The following PINX1 variants were observed in gnomAD, a reference collection of about 807,000 sequenced individuals.
PINX1 encodes the protein PIN2/TERF1-interacting telomerase inhibitor 1.
In PINX1, 34 loss-of-function variants were observed where a neutral mutation model predicts 25.4. The observed-to-expected ratio is 1.34, with a 90% CI of 1.02 to 1.78. The LOEUF (loss-of-function observed/expected upper bound fraction) is 1.78. Ranked by LOEUF, PINX1 falls within the 40% of genes most tolerant of loss-of-function variation. PINX1 has a pLI of 0.00. For missense variants in PINX1, 592 were observed against 404.9 expected (o/e 1.46, Z -3.97); for synonymous variants, 197 against 147.7 (o/e 1.33, Z -2.42).
At chr8:10,774,394 G>A (rs1459532113) in intron 6 of PINX1, among the ~76,000 whole-genome samples, 3 of 151,556 alleles carry the variant, frequency 2.0e-5, no homozygotes, top group Non-Finnish European at 4.4e-5. Context: ...TGATTCTCCT[G>A]CCTCAGCCTC....
intron 6 of PINX1, among the ~76,000 whole-genome samples, chr8:10,789,667 C>A (rs1801861604): frequency 6.6e-6 from 1 of 152,156 alleles, no homozygotes; most frequent in Admixed American, 6.5e-5. Context: ...AGTGGCAGAG[C>A]CAAAAACGCA....
At chr8:10,775,274 G>A (rs770216388) in intron 6 of PINX1, among the ~76,000 whole-genome samples, 1 of 152,168 alleles carries the variant, frequency 6.6e-6, no homozygotes, top group Non-Finnish European at 1.5e-5. Flanking sequence ...AAAGGTTCTT[G>A]AAGCAAGACC....
At chr8:10,772,117 T>C (rs1801245297) in intron 6 of PINX1, among the ~76,000 whole-genome samples, 1 of 152,248 alleles carries the variant, frequency 6.6e-6, no homozygotes, top group Non-Finnish European at 1.5e-5. Flanking sequence ...GACTGAACTG[T>C]TCTTGCTAAA....
intron 6 of PINX1, among the ~76,000 whole-genome samples, chr8:10,769,863 A>G (rs557931044): frequency 7.2e-4 from 110 of 152,294 alleles, no homozygotes; most frequent in African/African-American, 2.4e-3. Flanking sequence ...CTCTCTTCAG[A>G]AGCCACCCCA....
At chr8:10,786,567 C>T (rs1801754289) in intron 6 of PINX1, among the ~76,000 whole-genome samples, 2 of 152,178 alleles carry the variant, frequency 1.3e-5, no homozygotes, top group South Asian at 2.1e-4. Context: ...GCGTGAGCTA[C>T]GCCCCAGAAG....
At chr8:10,810,095 C>A (rs899813714) in intron 6 of PINX1, among the ~76,000 whole-genome samples, 2 of 152,154 alleles carry the variant, frequency 1.3e-5, no homozygotes, top group African/African-American at 4.8e-5. Context: ...AGAACTCATT[C>A]ATTACCATGA....
At chr8:10,803,537 A>G (rs1413791294) in intron 6 of PINX1, among the ~76,000 whole-genome samples, 1 of 152,122 alleles carries the variant, frequency 6.6e-6, no homozygotes, top group Admixed American at 6.5e-5. Context: ...AATTGGGTCA[A>G]TTGTTTCGAG....
chr8:10,777,674 T>A (rs1213221606), intron 6 of PINX1, among the ~76,000 whole-genome samples: 1 of 152,170 alleles, frequency 6.6e-6, no homozygotes, highest in East Asian at 1.9e-4. Context: ...TGCCTTTTTT[T>A]TAAAAAACAC....
chr8:10,774,584 T>C (rs1425901025), intron 6 of PINX1, among the ~76,000 whole-genome samples: 2 of 152,164 alleles, frequency 1.3e-5, no homozygotes, highest in Non-Finnish European at 2.9e-5. Context: ...CCCAGCCGAA[T>C]AAGGTCTTTT....
intron 6 of PINX1, among the ~76,000 whole-genome samples, chr8:10,768,843 T>C (rs1022199026): frequency 3.3e-5 from 5 of 152,230 alleles, no homozygotes; most frequent in Non-Finnish European, 7.3e-5. Flanking sequence ...TAAAAATAGA[T>C]ACATCTTTTC....
chr8:10,768,804 G>A (rs985216671), intron 6 of PINX1, among the ~76,000 whole-genome samples: 4 of 152,214 alleles, frequency 2.6e-5, no homozygotes, highest in Non-Finnish European at 1.5e-5. Flanking sequence ...TTCTAATCCT[G>A]CTTCTGCATT....
At chr8:10,801,044 G>C (rs1400879238) in intron 6 of PINX1, among the ~76,000 whole-genome samples, 1 of 152,184 alleles carries the variant, frequency 6.6e-6, no homozygotes, top group East Asian at 1.9e-4. Flanking sequence ...TAATGGAGTA[G>C]AAGCTCTATA....
intron 6 of PINX1, among the ~76,000 whole-genome samples, chr8:10,793,661 GTTTTAA>G (rs950992737): frequency 6.6e-6 from 1 of 151,110 alleles, no homozygotes; most frequent in African/African-American, 2.4e-5. Context: ...GGGGGCATTT[GTTTTAA>G]TTTTAATTAT....
At chr8:10,766,074 C>T (rs1275022820) in intron 6 of PINX1, among the ~76,000 whole-genome samples, 158 bp from the exon 7 acceptor site, 2 of 152,172 alleles carry the variant, frequency 1.3e-5, no homozygotes, top group Non-Finnish European at 1.5e-5. Flanking sequence ...GGCTGAGTGA[C>T]ACGCTCCCTT....
chr8:10,768,091 G>A (rs572616359), intron 6 of PINX1, among the ~76,000 whole-genome samples: 37 of 129,574 alleles, frequency 2.9e-4, no homozygotes, highest in Non-Finnish European at 3.9e-4. Flanking sequence ...GACAGGCTCG[G>A]TGACCAGACA....
rs186320794 is a variant in PINX1, at chr8:10,775,291, G to A, written c.472-9375C>T. Among the ~76,000 whole-genome samples, 6 of 152,152 alleles carry A rather than the reference G, an allele frequency of 3.9e-5. No homozygotes were observed. In the South Asian group the frequency reaches 6.2e-4, roughly 16 times the overall value. On this transcript the variant is annotated intron_variant, in intron 6 of 6. Coordinates refer to ENST00000314787, the MANE Select transcript of PINX1 (RefSeq NM_017884.6). The stretch of plus-strand genomic sequence containing the variant: ...AGGTTCTTGAAGCAAGACCTGCCTC[G>A]CTGGCAACAAAGCATTGTTTGCAGT...
intron 4 of PINX1, among the ~76,000 whole-genome samples, chr8:10,827,067 T>C (rs1332999680): frequency 6.6e-6 from 1 of 152,190 alleles, no homozygotes; most frequent in African/African-American, 2.4e-5. Flanking sequence ...AACTTCCCGG[T>C]TGCGAAAAGC....
In PINX1 at chr8:10,825,324, G is replaced by GAA. The variant is rs1563233770; in HGVS notation, c.394+826_394+827dup. 3 of 534,538 alleles carry GAA rather than the reference G, an allele frequency of 5.6e-6. No individual in the cohort carries two copies. The Admixed American group carries it at 5.8e-5, about 10-fold the overall frequency. 33.1% of individuals were successfully genotyped at this position (534,538 alleles called of 1,614,324 possible). A position where few individuals can be genotyped will look rare whatever the true frequency, so the allele number is the denominator to read the frequency against. ...GTGCTGTTCCTGGCATATCAAGGTAGAAACACATCCAACCTCCCAGGAAAG... is the reference window on the plus strand; with the variant it reads ...GTGCTGTTCCTGGCATATCAAGGTAGAAAAACACATCCAACCTCCCAGGAAAG... On this transcript the variant is annotated intron_variant, in intron 5 of 6. Coordinates refer to ENST00000314787, the MANE Select transcript of PINX1 (RefSeq NM_017884.6).
intron 6 of PINX1, among the ~76,000 whole-genome samples, chr8:10,780,776 T>A (rs1801561141): frequency 6.6e-6 from 1 of 152,182 alleles, no homozygotes; most frequent in South Asian, 2.1e-4. Flanking sequence ...AATGTCCACA[T>A]GACCCAAAGC....
Sources: gnomAD v4.1 joint callset for allele counts (sites outside exome capture counted in the v4.1 genomes callset) on GRCh38, gnomAD v4.1.1 for gene constraint, MANE v1.5 for transcripts, NCBI Gene and HGNC (gene_info 2026-07-23, HGNC 2026-07-21) for gene names.